The following RPS6KC1 variants were observed in gnomAD, a reference collection of about 807,000 sequenced individuals.
RPS6KC1 encodes the protein ribosomal protein S6 kinase C1, also known as inactive ribosomal protein S6 kinase delta-1.
A neutral mutation model predicts 103.8 loss-of-function variants in RPS6KC1; 54 were observed. That is an observed-to-expected ratio of 0.52 (90% CI 0.42 to 0.65). RPS6KC1 has a LOEUF of 0.65. Among genes scored for constraint, RPS6KC1 ranks in the 30% least tolerant of loss-of-function variants. The pLI is 0.00. For synonymous variants in RPS6KC1, 439 were observed against 438.7 expected (o/e 1.00, Z -0.01); for missense variants, 1,151 against 1,253.8 (o/e 0.92, Z 1.24).
chr1:213,473,893 C>T, the RPS6KC1 span, among the ~76,000 whole-genome samples: 3 of 152,140 alleles, frequency 2.0e-5, no homozygotes, highest in South Asian at 6.2e-4. Context: ...AAGTGCATTT[C>T]AGAAGAGGGG....
chr1:213,636,547 G>A, the RPS6KC1 span, among the ~76,000 whole-genome samples: 21,381 of 151,928 alleles, frequency 0.14, 2,373 homozygotes, highest in African/African-American at 0.31. Flanking sequence ...GGTGCTGGGA[G>A]AACTGGCTAG....
At chr1:213,841,568 A>C in the RPS6KC1 span, among the ~76,000 whole-genome samples, 2 of 151,818 alleles carry the variant, frequency 1.3e-5, no homozygotes, top group African/African-American at 4.8e-5. Context: ...ATTTGAGGAA[A>C]CTCCTTCATT....
the RPS6KC1 span, among the ~76,000 whole-genome samples, chr1:213,674,820 A>G: frequency 2.0e-5 from 3 of 152,178 alleles, no homozygotes; most frequent in South Asian, 4.1e-4. Context: ...TAACTTTTTA[A>G]TAATAGCCAT....
the RPS6KC1 span, among the ~76,000 whole-genome samples, chr1:213,491,014 A>AG: frequency 6.6e-6 from 1 of 152,138 alleles, no homozygotes; most frequent in African/African-American, 2.4e-5. Flanking sequence ...GTCTTGTTCT[A>AG]GGGCACAGTT....
the RPS6KC1 span, among the ~76,000 whole-genome samples, chr1:213,416,819 TGAA>T: frequency 6.6e-6 from 1 of 152,108 alleles, no homozygotes; most frequent in Non-Finnish European, 1.5e-5. Flanking sequence ...GCCATGCCCT[TGAA>T]GAGGGACTGG....
the RPS6KC1 span, among the ~76,000 whole-genome samples, chr1:213,519,171 T>C: frequency 6.6e-6 from 1 of 152,212 alleles, no homozygotes; most frequent in Admixed American, 6.5e-5. Context: ...ACTGTTGTTC[T>C]GCAGTCAACA....
At chr1:213,423,516 AG>A in the RPS6KC1 span, among the ~76,000 whole-genome samples, 1 of 152,150 alleles carries the variant, frequency 6.6e-6, no homozygotes, top group Non-Finnish European at 1.5e-5. Flanking sequence ...AGTACCCAGG[AG>A]GGTGGCTTTG....
At chr1:213,379,952 C>T in the RPS6KC1 span, among the ~76,000 whole-genome samples, 9,602 of 151,986 alleles carry the variant, frequency 0.063, 592 homozygotes, top group African/African-American at 0.16. Context: ...AAATACCATT[C>T]GATCCAGTGA....
At chr1:213,119,425 CATATATATATATATATATAT>C (rs757888943) in intron 5 of RPS6KC1, among the ~76,000 whole-genome samples, 29 of 90,948 alleles carry the variant, frequency 3.2e-4, no homozygotes, top group Middle Eastern at 5.1e-3. Flanking sequence ...CCAGCCTGGG[CATATATATATATATATATAT>C]ATATATATAT....
At chr1:213,817,956 G>A in the RPS6KC1 span, 3 of 151,998 alleles carry the variant, frequency 2.0e-5, no homozygotes, top group Non-Finnish European at 2.9e-5. Flanking sequence ...CGTGATTACT[G>A]TATCTGTTAT....
the RPS6KC1 span, among the ~76,000 whole-genome samples, chr1:213,503,663 A>G: frequency 1.3e-5 from 2 of 152,230 alleles, no homozygotes; most frequent in African/African-American, 2.4e-5. Context: ...AGATTGGGGC[A>G]TTGCAAAGTC....
the RPS6KC1 span, among the ~76,000 whole-genome samples, chr1:213,468,935 C>T: frequency 6.6e-5 from 10 of 152,178 alleles, no homozygotes; most frequent in African/African-American, 2.4e-4. Context: ...AGTTGCCCAT[C>T]ACTCCTCACA....
the RPS6KC1 span, among the ~76,000 whole-genome samples, chr1:213,704,366 C>CAAT: frequency 4.2e-5 from 5 of 118,646 alleles, no homozygotes; most frequent in African/African-American, 1.7e-4. Flanking sequence ...CCAGCCTGGG[C>CAAT]GACAGCGAGA....
chr1:213,121,918 C>G (rs2084432820), intron 5 of RPS6KC1, among the ~76,000 whole-genome samples: 2 of 152,000 alleles, frequency 1.3e-5, no homozygotes, highest in African/African-American at 4.8e-5. Flanking sequence ...ACAAAATCTA[C>G]CCCCACCTTT....
chr1:213,350,797 T>C, the RPS6KC1 span, among the ~76,000 whole-genome samples: 1 of 152,324 alleles, frequency 6.6e-6, no homozygotes, highest in African/African-American at 2.4e-5. Context: ...TTAGTTTTTT[T>C]CTTAGAACAC....
At chr1:213,096,622 G>A (rs28855774) in intron 3 of RPS6KC1, among the ~76,000 whole-genome samples, 17,311 of 151,676 alleles carry the variant, frequency 0.11, 3,177 homozygotes, top group African/African-American at 0.39. Context: ...TTGAGATTGC[G>A]CTACTGTACT....
chr1:213,634,935 G>C, the RPS6KC1 span, among the ~76,000 whole-genome samples: 1 of 151,920 alleles, frequency 6.6e-6, no homozygotes, highest in East Asian at 1.9e-4. Context: ...AATGATAAAG[G>C]GGATATCACC....
the RPS6KC1 span, among the ~76,000 whole-genome samples, chr1:213,852,631 C>T: frequency 6.6e-6 from 1 of 152,238 alleles, no homozygotes; most frequent in South Asian, 2.1e-4. Context: ...TCCAAAACTA[C>T]ATTTCTTTAT....
chr1:213,724,289 A>G, the RPS6KC1 span, among the ~76,000 whole-genome samples: 1 of 152,200 alleles, frequency 6.6e-6, no homozygotes, highest in Non-Finnish European at 1.5e-5. Context: ...TATGTTGGCC[A>G]GGCTGGTCTC....
Sources: gnomAD v4.1 joint callset for allele counts (sites outside exome capture counted in the v4.1 genomes callset) on GRCh38, gnomAD v4.1.1 for gene constraint, MANE v1.5 for transcripts, NCBI Gene and HGNC (gene_info 2026-07-23, HGNC 2026-07-21) for gene names.